Variants in LEPROTL1 observed in about 807,000 individuals in gnomAD.
LEPROTL1 encodes leptin receptor overlapping transcript-like 1.
LEPROTL1 carries 6 observed loss-of-function variants against 15.4 expected under a neutral mutation model. The ratio of observed to expected loss-of-function variants is 0.39; its 90% CI spans 0.21 to 0.77. The LOEUF is 0.77. LEPROTL1 is among the 30% of genes least tolerant of loss of function. LEPROTL1 has a pLI of 0.41. For missense variants in LEPROTL1, 128 were observed against 158.1 expected (o/e 0.81, Z 1.02); for synonymous variants, 56 against 52.6 (o/e 1.06, Z -0.28).
At chr8:30,117,399 C>T (rs1585472502) in intron 3 of LEPROTL1, 1 of 1,431,662 alleles carries the variant, frequency 7.0e-7, no homozygotes, top group Middle Eastern at 2.4e-4. Context: ...AAAAGAATCC[C>T]AGGATTTTCC....
At chr8:30,130,941 G>A (rs1046206765) in intron 3 of LEPROTL1, among the ~76,000 whole-genome samples, 4 of 151,622 alleles carry the variant, frequency 2.6e-5, no homozygotes, top group African/African-American at 7.3e-5. Flanking sequence ...CACCACGCCC[G>A]GCTAATTTTT....
intron 3 of LEPROTL1, among the ~76,000 whole-genome samples, chr8:30,125,820 A>G (rs16876539): frequency 0.024 from 3,627 of 152,252 alleles, 145 homozygotes; most frequent in African/African-American, 0.083. Flanking sequence ...TAACATCCGA[A>G]TCAGCCATTA....
chr8:30,134,251 C>T (rs1336736139), intron 4 of LEPROTL1, among the ~76,000 whole-genome samples: 1 of 151,988 alleles, frequency 6.6e-6, no homozygotes, highest in African/African-American at 2.4e-5. Context: ...GGTGAAACCT[C>T]ATTTCTACTA....
intron 3 of LEPROTL1, chr8:30,105,059 C>T (rs1311711415): frequency 2.0e-5 from 3 of 152,342 alleles, no homozygotes; most frequent in Non-Finnish European, 2.9e-5. Flanking sequence ...TCAACTCCCC[C>T]AGTGCTGAAC....
downstream of LEPROTL1, among the ~76,000 whole-genome samples, chr8:30,112,425 T>TTTTTTTTTTTTTTG (rs1283196967): frequency 7.4e-6 from 1 of 134,372 alleles, no homozygotes; most frequent in Non-Finnish European, 1.6e-5. Context: ...TTTTTTTTTT[T>TTTTTTTTTTTTTTG]TTTTTTGGAT....
downstream of LEPROTL1, among the ~76,000 whole-genome samples, chr8:30,112,555 C>T (rs1021947075): frequency 2.6e-5 from 4 of 151,506 alleles, no homozygotes; most frequent in East Asian, 3.9e-4. Context: ...CCACTGCACC[C>T]GGCCTTTGTA....
intron 3 of LEPROTL1, 23 bp from the exon 4 acceptor site, chr8:30,105,723 C>T (rs370989119): frequency 3.9e-5 from 61 of 1,584,386 alleles, no homozygotes; most frequent in Non-Finnish European, 5.1e-5. Context: ...TGCCTGTTGA[C>T]TGAGTGTATC....
intron 3 of LEPROTL1, among the ~76,000 whole-genome samples, chr8:30,121,532 G>A: frequency 6.6e-6 from 1 of 152,184 alleles, no homozygotes; most frequent in Admixed American, 6.5e-5. Context: ...GGGATTACAG[G>A]TGTGAGCCAT....
In LEPROTL1 at chr8:30,135,913, G is replaced by GGA. The variant is rs528437068; in HGVS notation, c.395-1359_395-1358insGA. 6.2e-3 allele frequency among the ~76,000 whole-genome samples: 802 copies of GGA among 128,880 alleles called. 8 individuals carry two copies. The highest frequency in any genetic ancestry group is 0.022 in the African/African-American group (756 of 33,812). 84.6% of individuals were successfully genotyped at this position (128,880 alleles called of 152,430 possible). On this transcript the variant is annotated intron_variant, in intron 4 of 4. Transcript: ENST00000442880. ...TGGGCAACAGAGTGAGACCTTGTCTGAAAAAAAAAAAAAAAAGGAAAGAAA... is the reference window on the plus strand; with the variant it reads ...TGGGCAACAGAGTGAGACCTTGTCTGGAAAAAAAAAAAAAAAAAGGAAAGAAA...
chr8:30,102,550 G>A (rs1335404673), intron 2 of LEPROTL1, among the ~76,000 whole-genome samples: 1 of 151,798 alleles, frequency 6.6e-6, no homozygotes, highest in African/African-American at 2.4e-5. Context: ...TACTCGGGAG[G>A]CTGAGGCAGG....
At chr8:30,120,065 A>G (rs937959716) in intron 3 of LEPROTL1, among the ~76,000 whole-genome samples, 1 of 20,864 alleles carries the variant, frequency 4.8e-5, no homozygotes, top group African/African-American at 7.4e-5. Context: ...GACTCCATCA[A>G]TAAATAAATA....
intron 4 of LEPROTL1, among the ~76,000 whole-genome samples, chr8:30,136,489 A>G (rs1277766243): frequency 6.6e-6 from 1 of 152,156 alleles, no homozygotes; most frequent in Non-Finnish European, 1.5e-5. Context: ...GCACTGTGTG[A>G]TGGCAGCAGC....
At chr8:30,117,052 G>GA (rs1446242528) in intron 3 of LEPROTL1, among the ~76,000 whole-genome samples, 5 of 151,956 alleles carry the variant, frequency 3.3e-5, no homozygotes, top group Non-Finnish European at 5.9e-5. Context: ...GTGAGTAGAG[G>GA]AAAAAAATGT....
At position 30,107,078 on chromosome 8, in the gene LEPROTL1, G is replaced by A. The variant is rs1802580629; in HGVS notation, c.*1216G>A. The A allele has an allele frequency of 1.0e-6, 1 of 976,384 alleles. No homozygotes were observed. Among genetic ancestry groups the A allele is most frequent in the African/African-American group, 1.8e-5 (1 of 57,130 alleles). 60.5% of individuals were successfully genotyped at this position (976,384 alleles called of 1,614,324 possible). A position where few individuals can be genotyped will look rare whatever the true frequency, so the allele number is the denominator to read the frequency against. ...CTTATTCTCTAAGGTTATATCATAT[G>A]TAATTTAAAAGTATTTTTAAGACAA... is the stretch of plus-strand genomic sequence containing the variant. On this transcript the variant is annotated 3_prime_UTR_variant, in exon 4 of 4. Transcript: ENST00000321250.
In LEPROTL1 at chr8:30,106,142, T is replaced by G. The variant is rs1802562286; in HGVS notation, c.*280T>G. 13 of 1,004,502 alleles carry G rather than the reference T, an allele frequency of 1.3e-5. No homozygotes were observed. Among genetic ancestry groups the G allele is most frequent in the Middle Eastern group, 4.8e-4 (1 of 2,064 alleles). The allele number at this position is 1,004,502 out of a possible 1,614,324, so 62.2% of individuals were successfully genotyped here. On this transcript the variant is annotated 3_prime_UTR_variant, in exon 4 of 4. Coordinates refer to ENST00000321250, the MANE Select transcript of LEPROTL1 (RefSeq NM_015344.3). ...AATTTAAATATTTATGTGTTTTTCC[T>G]GTTAGGTTGATTTTTTTTGGAATCA...
chr8:30,109,425 A>G (rs1036102482), downstream of LEPROTL1, among the ~76,000 whole-genome samples: 1 of 152,246 alleles, frequency 6.6e-6, no homozygotes, highest in Non-Finnish European at 1.5e-5. Context: ...TTAGCTTACT[A>G]AGAACTAATG....
Position 30,107,487 on chromosome 8 carries a change from G to T in LEPROTL1, c.*1625G>T. ...TATGAAGTTTATTTCTCAAGAAAAT[G>T]GGAATAAATTTGGGATTTGTTCAGC... On this transcript the variant is annotated 3_prime_UTR_variant, in exon 4 of 4. Coordinates refer to ENST00000321250, the MANE Select transcript of LEPROTL1 (RefSeq NM_015344.3). 6.1e-6 allele frequency: 6 copies of T among 985,740 alleles called. No individual in the cohort carries two copies. Among genetic ancestry groups the T allele is most frequent in the Non-Finnish European group, 7.2e-6 (6 of 829,862 alleles). 61.1% of individuals were successfully genotyped at this position (985,740 alleles called of 1,614,324 possible).
chr8:30,114,992 C>T (rs541914255), intron 3 of LEPROTL1, among the ~76,000 whole-genome samples: 2 of 152,204 alleles, frequency 1.3e-5, no homozygotes, highest in African/African-American at 4.8e-5. Flanking sequence ...GACAGTTGAC[C>T]GCCCTTCTTT....
At chr8:30,130,952 G>A (rs887200692) in intron 3 of LEPROTL1, among the ~76,000 whole-genome samples, 2 of 151,546 alleles carry the variant, frequency 1.3e-5, no homozygotes, top group African/African-American at 4.9e-5. Context: ...GCTAATTTTT[G>A]TATTTTTAGA....
Sources: allele counts gnomAD v4.1 joint callset (sites outside exome capture counted in the v4.1 genomes callset), GRCh38; gene constraint gnomAD v4.1.1; transcripts MANE v1.5; gene names NCBI Gene and HGNC (gene_info 2026-07-23, HGNC 2026-07-21).